ERC1: variants seen among roughly 807,000 people sequenced by gnomAD.
ERC1 encodes the protein RAB6 interacting protein 2.
Under a neutral mutation model 132.0 loss-of-function variants are expected in ERC1, and 56 were observed. That is an observed-to-expected ratio of 0.42 (90% CI 0.34 to 0.53). The LOEUF (loss-of-function observed/expected upper bound fraction) is 0.53, where lower values mean the gene tolerates loss of function less well. Ranked by LOEUF, ERC1 falls within the 20% of genes least tolerant of loss-of-function variation. ERC1 has a pLI of 0.03. For synonymous variants in ERC1, 478 were observed against 476.1 expected, an observed-to-expected ratio of 1.00 and a Z score of -0.05; for missense variants, 1,202 against 1,349.9, an observed-to-expected ratio of 0.89 and a Z score of 1.72.
At chr12:1,164,587 A>G (rs1395536360) in intron 8 of ERC1, among the ~76,000 whole-genome samples, 1 of 151,968 alleles carries the variant, frequency 6.6e-6, no homozygotes, top group African/African-American at 2.4e-5. Flanking sequence ...TGATCCGCCC[A>G]CCTCAGCCTC....
chr12:1,178,057 G>A (rs1391041336), intron 8 of ERC1, among the ~76,000 whole-genome samples: 2 of 152,152 alleles, frequency 1.3e-5, no homozygotes, highest in African/African-American at 2.4e-5. Context: ...CAATTCAGTG[G>A]TTCACCCATA....
chr12:1,276,420 A>T (rs568007928), intron 14 of ERC1, among the ~76,000 whole-genome samples: 2 of 151,586 alleles, frequency 1.3e-5, no homozygotes, highest in Admixed American at 1.3e-4. Context: ...TGTTATTTTT[A>T]GTAGAGACGG....
intron 15 of ERC1, among the ~76,000 whole-genome samples, chr12:1,312,043 G>C (rs1201671862): frequency 1.3e-5 from 2 of 152,130 alleles, no homozygotes; most frequent in East Asian, 3.8e-4. Context: ...GCATCTCAGT[G>C]CAGGGGTTGG....
chr12:1,456,042 A>G (rs1222118399), intron 18 of ERC1, among the ~76,000 whole-genome samples: 5 of 152,228 alleles, frequency 3.3e-5, no homozygotes, highest in Non-Finnish European at 7.3e-5. Flanking sequence ...GGAAACATTT[A>G]TGGGCCTCCT....
At chr12:1,354,885 G>T (rs928213682) in intron 15 of ERC1, among the ~76,000 whole-genome samples, 1 of 151,934 alleles carries the variant, frequency 6.6e-6, no homozygotes, top group Non-Finnish European at 1.5e-5. Context: ...CAGGTGATCC[G>T]CCCACCTCAG....
chr12:1,016,587 T>C (rs1279420832), intron 1 of ERC1, among the ~76,000 whole-genome samples: 1 of 152,006 alleles, frequency 6.6e-6, no homozygotes, highest in Non-Finnish European at 1.5e-5. Context: ...TGGGGCTGTT[T>C]TTCTCTCACA....
intron 2 of ERC1, among the ~76,000 whole-genome samples, chr12:1,048,082 G>A (rs1403865833): frequency 6.6e-6 from 1 of 152,164 alleles, no homozygotes; most frequent in South Asian, 2.1e-4. Context: ...GGTAACAGCG[G>A]CCAGCACTTC....
intron 8 of ERC1, among the ~76,000 whole-genome samples, chr12:1,170,207 C>T (rs1482040581): frequency 1.3e-5 from 2 of 152,242 alleles, no homozygotes; most frequent in East Asian, 3.9e-4. Context: ...ATCCTTAATT[C>T]TCAAGAATAT....
intron 11 of ERC1, among the ~76,000 whole-genome samples, chr12:1,187,757 C>T (rs941982339): frequency 6.6e-6 from 1 of 152,138 alleles, no homozygotes; most frequent in Non-Finnish European, 1.5e-5. Flanking sequence ...TGAGTTTTTA[C>T]TCTGTCAGTT....
intron 8 of ERC1, among the ~76,000 whole-genome samples, chr12:1,154,598 AG>A (rs558201986): frequency 9.1e-4 from 138 of 152,294 alleles, no homozygotes; most frequent in African/African-American, 3.2e-3. Context: ...GCTTCTGTAC[AG>A]CAAAATAAAT....
chr12:1,284,062 C>T (rs1281600609), intron 14 of ERC1, among the ~76,000 whole-genome samples: 2 of 152,186 alleles, frequency 1.3e-5, no homozygotes, highest in Admixed American at 6.5e-5. Flanking sequence ...CCCTCTCCCT[C>T]CTACCCTTCC....
intron 2 of ERC1, among the ~76,000 whole-genome samples, chr12:1,054,501 C>T (rs1055014658): frequency 6.6e-6 from 1 of 151,910 alleles, no homozygotes; most frequent in Non-Finnish European, 1.5e-5. Flanking sequence ...ATATATTTAA[C>T]TGACCTTAGA....
chr12:1,186,974 G>T (rs1284133891), intron 11 of ERC1, among the ~76,000 whole-genome samples: 2 of 152,146 alleles, frequency 1.3e-5, no homozygotes, highest in African/African-American at 4.8e-5. Flanking sequence ...GGGATTACAG[G>T]TGTGCACCAC....
At chr12:1,484,753 A>AT (rs1024054756) in intron 18 of ERC1, among the ~76,000 whole-genome samples, 17 of 149,800 alleles carry the variant, frequency 1.1e-4, no homozygotes, top group African/African-American at 3.2e-4. Context: ...AATTTTTTGT[A>AT]TTTTTTTTAG....
At chr12:1,203,784 T>C (rs1257619396) in intron 12 of ERC1, among the ~76,000 whole-genome samples, 1 of 152,250 alleles carries the variant, frequency 6.6e-6, no homozygotes, top group Non-Finnish European at 1.5e-5. Context: ...GGCTACATGC[T>C]GTGCAGGAAT....
chr12:1,033,721 C>G (rs1302543146), intron 2 of ERC1, among the ~76,000 whole-genome samples: 1 of 151,958 alleles, frequency 6.6e-6, no homozygotes, highest in Non-Finnish European at 1.5e-5. Context: ...CCTCCGCCTC[C>G]TGAGTTCAAG....
intron 15 of ERC1, among the ~76,000 whole-genome samples, chr12:1,339,188 C>G (rs1031849622): frequency 1.4e-5 from 2 of 138,488 alleles, no homozygotes; most frequent in Non-Finnish European, 3.1e-5. Flanking sequence ...CCAGGGTGCC[C>G]GCCCCCATGT....
chr12:1,056,042 A>G (rs34782838), intron 2 of ERC1, among the ~76,000 whole-genome samples: 1 of 151,148 alleles, frequency 6.6e-6, no homozygotes, highest in Non-Finnish European at 1.5e-5. Flanking sequence ...TGGCCTGTGG[A>G]AAACATTAAT....
At chr12:1,463,177 C>T (rs2093675259) in intron 18 of ERC1, among the ~76,000 whole-genome samples, 1 of 152,196 alleles carries the variant, frequency 6.6e-6, no homozygotes, top group Non-Finnish European at 1.5e-5. Context: ...CTTTAACTTG[C>T]ACCCCTCTTT....
Sources: gnomAD v4.1 joint callset for allele counts (sites outside exome capture counted in the v4.1 genomes callset) on GRCh38, gnomAD v4.1.1 for gene constraint, MANE v1.5 for transcripts, NCBI Gene and HGNC (gene_info 2026-07-23, HGNC 2026-07-21) for gene names.